Variants in KLF12 observed in about 807,000 individuals in gnomAD.
KLF12 encodes the protein KLF transcription factor 12.
A neutral mutation model predicts 37.8 loss-of-function variants in KLF12; 9 were observed. The ratio of observed to expected loss-of-function variants is 0.24; its 90% CI spans 0.14 to 0.42. The LOEUF is 0.42. KLF12 is among the 10% of genes least tolerant of loss of function. KLF12 has a pLI of 1.00. For missense variants in KLF12, 411 were observed against 516.0 expected (o/e 0.80, Z 1.97); for synonymous variants, 208 against 202.1 (o/e 1.03, Z -0.25).
At chr13:73,936,035 C>T (rs957216893) in intron 3 of KLF12, among the ~76,000 whole-genome samples, 2 of 152,120 alleles carry the variant, frequency 1.3e-5, no homozygotes, top group Non-Finnish European at 2.9e-5. Context: ...CATTTGTGAG[C>T]ATATAAGATA....
At chr13:74,007,175 T>C (rs866752825) in intron 1 of KLF12, among the ~76,000 whole-genome samples, 1 of 152,064 alleles carries the variant, frequency 6.6e-6, no homozygotes, top group Non-Finnish European at 1.5e-5. Flanking sequence ...TAAATAGGAC[T>C]GCCTTTAAAA....
At chr13:73,781,437 T>C (rs1330827433) in intron 5 of KLF12, among the ~76,000 whole-genome samples, 2 of 152,230 alleles carry the variant, frequency 1.3e-5, no homozygotes, top group Non-Finnish European at 2.9e-5. Context: ...TTCTCCATCA[T>C]TGTTATTACA....
intron 2 of KLF12, among the ~76,000 whole-genome samples, chr13:73,986,635 C>T (rs780221680): frequency 2.0e-5 from 3 of 152,062 alleles, no homozygotes; most frequent in Non-Finnish European, 4.4e-5. Context: ...TGCTAATCAC[C>T]TGACCTTAAA....
At chr13:73,931,914 A>T (rs767906685) in intron 3 of KLF12, among the ~76,000 whole-genome samples, 36 of 152,010 alleles carry the variant, frequency 2.4e-4, no homozygotes, top group Non-Finnish European at 4.0e-4. Flanking sequence ...AGCAACCCAG[A>T]AGGCTCATTC....
intron 3 of KLF12, among the ~76,000 whole-genome samples, chr13:73,920,077 T>C (rs1445700846): frequency 6.6e-6 from 1 of 152,150 alleles, no homozygotes; most frequent in Non-Finnish European, 1.5e-5. Context: ...TTCAGAAAGA[T>C]GCAAACTAGC....
At chr13:74,275,856 T>TTCA in the KLF12 span, among the ~76,000 whole-genome samples, 66 of 97,392 alleles carry the variant, frequency 6.8e-4, no homozygotes, top group African/African-American at 2.5e-3. Flanking sequence ...CTTTCTTTCT[T>TTCA]TCTTTCTTTC....
At chr13:74,069,472 C>G (rs1344535946) in intron 1 of KLF12, among the ~76,000 whole-genome samples, 1 of 152,130 alleles carries the variant, frequency 6.6e-6, no homozygotes, top group African/African-American at 2.4e-5. Context: ...ATCATACGTG[C>G]AAAAGCATGG....
intron 3 of KLF12, among the ~76,000 whole-genome samples, chr13:73,894,882 A>C (rs1478158486): frequency 6.6e-6 from 1 of 152,174 alleles, no homozygotes; most frequent in Non-Finnish European, 1.5e-5. Flanking sequence ...ATTTTGTCAA[A>C]TGTCAAAATT....
the KLF12 span, among the ~76,000 whole-genome samples, chr13:74,207,524 A>G: frequency 6.6e-6 from 1 of 152,098 alleles, no homozygotes; most frequent in East Asian, 1.9e-4. Flanking sequence ...AAATACAAAA[A>G]AAGTAGCTGG....
At chr13:73,762,987 G>A (rs756199426) in intron 6 of KLF12, among the ~76,000 whole-genome samples, 3 of 152,094 alleles carry the variant, frequency 2.0e-5, no homozygotes, top group Non-Finnish European at 4.4e-5. Flanking sequence ...GCTCCTACTA[G>A]AGTCAATTTG....
the KLF12 span, among the ~76,000 whole-genome samples, chr13:74,145,933 T>C: frequency 6.6e-6 from 1 of 152,312 alleles, no homozygotes; most frequent in Admixed American, 6.5e-5. Context: ...ATTATCTTCT[T>C]ACAACAAGCA....
intron 5 of KLF12, among the ~76,000 whole-genome samples, chr13:73,771,417 T>C (rs1880261355): frequency 6.6e-6 from 1 of 152,196 alleles, no homozygotes. Flanking sequence ...TAATAAACTA[T>C]TGCATCCTCA....
chr13:74,140,731 G>C, the KLF12 span, among the ~76,000 whole-genome samples: 3 of 152,316 alleles, frequency 2.0e-5, no homozygotes, highest in East Asian at 5.8e-4. Flanking sequence ...GAAATCATGA[G>C]AAACTGATAT....
rs370723202 is a variant in KLF12 at position 73,726,168 on chromosome 13, A to G, written c.870-10643T>C. On this transcript the variant is annotated intron_variant, in intron 6 of 7. Transcript: ENST00000377669. ...GTGCCCAGCTTCAAGTGGGTTTTTA[A>G]TAGTAATTACTGAATGGAGTTTTCA... Among the ~76,000 whole-genome samples the G allele has an allele frequency of 3.2e-4, 49 of 152,238 alleles. 7 individuals carry two copies. Among genetic ancestry groups the G allele is most frequent in the Admixed American group, 1.9e-3 (29 of 15,282 alleles).
the KLF12 span, among the ~76,000 whole-genome samples, chr13:74,263,669 G>A: frequency 0.018 from 2,684 of 152,256 alleles, 72 homozygotes; most frequent in African/African-American, 0.059. Flanking sequence ...GAACCCAGGA[G>A]GTGGAGGTTG....
intron 1 of KLF12, among the ~76,000 whole-genome samples, chr13:74,083,789 TA>T (rs1875083075): frequency 6.6e-6 from 1 of 152,148 alleles, no homozygotes; most frequent in African/African-American, 2.4e-5. Flanking sequence ...GGTAATGAAG[TA>T]ACTGTGAAAT....
chr13:73,838,044 A>G (rs1477852025), intron 4 of KLF12, among the ~76,000 whole-genome samples: 1 of 152,182 alleles, frequency 6.6e-6, no homozygotes, highest in Non-Finnish European at 1.5e-5. Flanking sequence ...AAACAAAGAC[A>G]CCAACAAGTG....
At chr13:74,282,925 A>C in the KLF12 span, among the ~76,000 whole-genome samples, 3 of 152,156 alleles carry the variant, frequency 2.0e-5, no homozygotes, top group East Asian at 5.8e-4. Flanking sequence ...CTAGTGTTCT[A>C]TTTTCTCTAT....
the KLF12 span, among the ~76,000 whole-genome samples, chr13:74,201,072 A>G: frequency 6.6e-6 from 1 of 152,152 alleles, no homozygotes; most frequent in Non-Finnish European, 1.5e-5. Context: ...TCAAAGATGC[A>G]GTTTTCGTTC....
Sources: allele counts gnomAD v4.1 joint callset (sites outside exome capture counted in the v4.1 genomes callset), GRCh38; gene constraint gnomAD v4.1.1; transcripts MANE v1.5; gene names NCBI Gene and HGNC (gene_info 2026-07-23, HGNC 2026-07-21).